Variants in FNIP1 observed in about 807,000 individuals in gnomAD.
FNIP1 encodes the protein folliculin interacting protein 1.
A neutral mutation model predicts 124.5 loss-of-function variants in FNIP1; 40 were observed. The observed-to-expected ratio is 0.32, with a 90% CI of 0.25 to 0.42. The LOEUF (loss-of-function observed/expected upper bound fraction) is 0.42, where lower values mean the gene tolerates loss of function less well. Ranked by LOEUF, FNIP1 falls within the 10% of genes least tolerant of loss-of-function variation. The pLI is 1.00. For missense variants in FNIP1, 1,176 were observed against 1,403.7 expected (o/e 0.84, Z 2.59); for synonymous variants, 472 against 470.6 (o/e 1.00, Z -0.04).
intron 1 of FNIP1, among the ~76,000 whole-genome samples, chr5:131,745,239 C>T (rs1036197300): frequency 6.6e-6 from 1 of 152,042 alleles, no homozygotes; most frequent in Non-Finnish European, 1.5e-5. Flanking sequence ...GGCACAACTC[C>T]TGGGTGTGGT....
At chr5:131,758,518 TTA>T (rs1771122298) in intron 1 of FNIP1, among the ~76,000 whole-genome samples, 1 of 152,210 alleles carries the variant, frequency 6.6e-6, no homozygotes. Flanking sequence ...TCACACAAAT[TTA>T]TATGCTACAG....
chr5:131,785,429 C>T (rs887011293), intron 1 of FNIP1, among the ~76,000 whole-genome samples: 4 of 151,810 alleles, frequency 2.6e-5, no homozygotes, highest in African/African-American at 9.7e-5. Context: ...ATGGCAGGCG[C>T]CTGTAATCCC....
chr5:131,642,190 A>G lies in FNIP1; in HGVS notation c.*2495T>C, dbSNP rs1424991657. On this transcript the variant is annotated 3_prime_UTR_variant, in exon 18 of 18. Transcript: ENST00000510461. ...TAAAAATTATTTAGAACAAGCCAAA[A>G]CTCTTTTCACATTCATCATAATGAC... is the stretch of plus-strand genomic sequence containing the variant. The G allele has an allele frequency of 6.5e-6, 1 of 152,684 alleles. No homozygotes were observed. Among genetic ancestry groups the G allele is most frequent in the East Asian group, 1.9e-4 (1 of 5,332 alleles). The allele number at this position is 152,684 out of a possible 1,614,324, so 9.5% of individuals were successfully genotyped here. A position where few individuals can be genotyped will look rare whatever the true frequency, so the allele number is the denominator to read the frequency against.
intron 1 of FNIP1, among the ~76,000 whole-genome samples, chr5:131,745,913 A>C (rs1306853695): frequency 6.6e-6 from 1 of 152,210 alleles, no homozygotes; most frequent in Admixed American, 6.5e-5. Context: ...TTGGAGAGTA[A>C]TTTTCTAGGA....
intron 3 of FNIP1, among the ~76,000 whole-genome samples, chr5:131,723,636 T>G (rs193145708): frequency 6.6e-6 from 1 of 152,334 alleles, no homozygotes; most frequent in African/African-American, 2.4e-5. Flanking sequence ...TACTCATTCC[T>G]GGAAGCTAAT....
At position 131,665,692 on chromosome 5, in the gene FNIP1, C is replaced by T. The variant is rs189389147; in HGVS notation, c.3108+4771G>A. Among the ~76,000 whole-genome samples, 899 of 150,074 alleles carry T rather than the reference C, an allele frequency of 6.0e-3. 9 individuals are homozygous for T. In the Middle Eastern group the frequency reaches 0.072, roughly 12 times the overall value. On this transcript the variant is annotated intron_variant, in intron 15 of 17. Coordinates refer to ENST00000510461, the MANE Select transcript of FNIP1 (RefSeq NM_133372.3). ...GCAACCTCTGCCTCCCAGGTTCAAGCGATTGTCCTGCCTCAGCCTCCCGAG... is the reference window on the plus strand; with the variant it reads ...GCAACCTCTGCCTCCCAGGTTCAAGTGATTGTCCTGCCTCAGCCTCCCGAG...
chr5:131,796,550 C>G, intron 1 of FNIP1: 1 of 502,960 alleles, frequency 2.0e-6, no homozygotes. Context: ...GGTGCTAGGT[C>G]CGGAGGAGCA....
At chr5:131,757,324 GATGT>G (rs1040162993) in intron 1 of FNIP1, among the ~76,000 whole-genome samples, 1 of 152,164 alleles carries the variant, frequency 6.6e-6, no homozygotes, top group Non-Finnish European at 1.5e-5. Flanking sequence ...CAAAATGTTA[GATGT>G]ATGGGCTGCT....
intron 15 of FNIP1, among the ~76,000 whole-genome samples, chr5:131,653,649 G>C (rs1301796084): frequency 6.6e-6 from 1 of 152,172 alleles, no homozygotes; most frequent in Non-Finnish European, 1.5e-5. Context: ...CAAGTATGAA[G>C]TATTGAAGAT....
intron 11 of FNIP1, among the ~76,000 whole-genome samples, chr5:131,696,463 T>C (rs149677336): frequency 7.4e-4 from 112 of 152,228 alleles, no homozygotes; most frequent in South Asian, 6.2e-3. Flanking sequence ...CCACACTGAT[T>C]ACCGTATCAC....
At position 131,709,233 on chromosome 5, in the gene FNIP1, T is replaced by A. The variant is rs201209029; in HGVS notation, c.746A>T (p.Asn249Ile). The part of the protein sequence containing the change: ...NPMDMPGREL[N>I]EDRDSGIARS... ...TGCTATGCCACTGTCTCTGTCCTCA[T>A]TGAGCTCTCTTCCAGGCATGTCCAT... Residue 249 changes from asparagine to isoleucine, a missense_variant, in exon 8 of 18, where the codon AAT becomes ATT. Around this residue, in one of 2 missense-constraint regions of FNIP1, gnomAD observed 1,109 missense variants for 1,288.5 expected, o/e 0.86. Coordinates refer to ENST00000510461, the MANE Select transcript of FNIP1 (RefSeq NM_133372.3). 1 of 1,614,004 alleles carries A rather than the reference T, an allele frequency of 6.2e-7. No individual in the cohort carries two copies. Among genetic ancestry groups the A allele is most frequent in the African/African-American group, 1.3e-5 (1 of 74,950 alleles).
intron 1 of FNIP1, among the ~76,000 whole-genome samples, chr5:131,780,603 C>T (rs1305559310): frequency 1.3e-5 from 2 of 151,830 alleles, no homozygotes; most frequent in Non-Finnish European, 2.9e-5. Flanking sequence ...ATATTTCAAA[C>T]TTTTTCATTA....
intron 5 of FNIP1, among the ~76,000 whole-genome samples, chr5:131,717,102 A>C (rs953351109): frequency 1.3e-5 from 2 of 151,874 alleles, no homozygotes; most frequent in Non-Finnish European, 2.9e-5. Context: ...CTTGTCATTT[A>C]CATTAGGTAT....
intron 6 of FNIP1, among the ~76,000 whole-genome samples, chr5:131,712,287 C>A (rs1769319936): frequency 1.3e-5 from 2 of 152,194 alleles, no homozygotes; most frequent in Non-Finnish European, 2.9e-5. Flanking sequence ...TCTTTAATTT[C>A]ATGCTCCTTA....
At chr5:131,763,062 A>G (rs996670606) in intron 1 of FNIP1, among the ~76,000 whole-genome samples, 7 of 152,312 alleles carry the variant, frequency 4.6e-5, no homozygotes, top group Middle Eastern at 3.4e-3. Context: ...ATGGGCACCA[A>G]AATATAGTTC....
chr5:131,713,875 T>C (rs1256282968), intron 6 of FNIP1, among the ~76,000 whole-genome samples: 1 of 152,218 alleles, frequency 6.6e-6, no homozygotes, highest in Non-Finnish European at 1.5e-5. Flanking sequence ...TGGAGTAACA[T>C]GATCAGCCTT....
chr5:131,763,942 T>C (rs1771331105), intron 1 of FNIP1, among the ~76,000 whole-genome samples: 1 of 152,066 alleles, frequency 6.6e-6, no homozygotes, highest in Non-Finnish European at 1.5e-5. Flanking sequence ...ATCTCCAGTA[T>C]TGGAGATGGA....
chr5:131,754,560 T>C (rs1460679548), intron 1 of FNIP1, among the ~76,000 whole-genome samples: 1 of 152,178 alleles, frequency 6.6e-6, no homozygotes, highest in Non-Finnish European at 1.5e-5. Flanking sequence ...CAGCTTCAAG[T>C]GATGGGCAGG....
rs960614406 is a variant in FNIP1, at chr5:131,684,912, T to C, written c.1203-5737A>G. ...GCAAAGATTCACTGCCTTATACTAA[T>C]GCAATATGTGATACTCAGAAAGAAT... On this transcript the variant is annotated intron_variant, in intron 11 of 17. Transcript: ENST00000510461. 4.6e-5 allele frequency among the ~76,000 whole-genome samples: 7 copies of C among 152,208 alleles called. 1 individual carries two copies. In the East Asian group the frequency reaches 1.3e-3, roughly 29 times the overall value.
Sources: gnomAD v4.1 joint callset for allele counts (sites outside exome capture counted in the v4.1 genomes callset) on GRCh38, gnomAD v4.1.1 for gene constraint, gnomAD v4.1.1 regional missense constraint, MANE v1.5 for transcripts, NCBI Gene and HGNC (gene_info 2026-07-23, HGNC 2026-07-21) for gene names.